Variants in CHD7 observed in about 807,000 individuals in gnomAD.
CHD7 encodes the protein ATP-dependent chromatin remodeler CHD7.
CHD7 carries 24 observed loss-of-function variants against 307.3 expected under a neutral mutation model. The ratio of observed to expected loss-of-function variants is 0.08; its 90% CI spans 0.06 to 0.11. The LOEUF (loss-of-function observed/expected upper bound fraction) is 0.11. Among genes scored for constraint, CHD7 ranks in the 10% least tolerant of loss-of-function variants. CHD7 has a pLI of 1.00. For synonymous variants in CHD7, 1,363 were observed against 1,349.9 expected (o/e 1.01, Z -0.21); for missense variants, 3,106 against 3,727.1 (o/e 0.83, Z 4.34).
At position 60,740,550 on chromosome 8, in the gene CHD7, C is replaced by T. The variant is rs566034467; in HGVS notation, c.-174-709C>T. Among the ~76,000 whole-genome samples, 316 of 152,262 alleles carry T rather than the reference C, an allele frequency of 2.1e-3. 1 individual carries two copies. The highest frequency in any genetic ancestry group is 0.01 in the Middle Eastern group (3 of 294). The stretch of plus-strand genomic sequence containing the variant: ...GTCGTCTTGGACAATGAAAGCTTTT[C>T]TTTTAGTTTCTTTCTGAATCTTGTA... On this transcript the variant is annotated intron_variant, in intron 1 of 37. Transcript: ENST00000423902.
chr8:60,745,226 T>A (rs1169930270), intron 2 of CHD7, among the ~76,000 whole-genome samples: 4 of 152,210 alleles, frequency 2.6e-5, no homozygotes, highest in African/African-American at 9.6e-5. Flanking sequence ...AGTTTCTTAC[T>A]AAGCAAGGGA....
intron 36 of CHD7, 43 bp downstream of exon 36, chr8:60,862,379 G>C (rs1359882424): frequency 6.4e-7 from 1 of 1,568,132 alleles, no homozygotes; most frequent in African/African-American, 1.4e-5. Flanking sequence ...CGATTTCTTA[G>C]CCCAGAAGGA....
At chr8:60,759,994 C>CT (rs1810099185) in intron 2 of CHD7, among the ~76,000 whole-genome samples, 1 of 152,130 alleles carries the variant, frequency 6.6e-6, no homozygotes, top group Non-Finnish European at 1.5e-5. Flanking sequence ...GTGGCTCCCA[C>CT]TGAGTGGTAA....
In CHD7 at chr8:60,771,668, A is replaced by G. The variant is rs1192074206; in HGVS notation, c.1666-9332A>G. 4.9e-4 allele frequency among the ~76,000 whole-genome samples: 15 copies of G among 30,502 alleles called. No individual in the cohort carries two copies. In the Admixed American group the frequency reaches 5.2e-3, roughly 10 times the overall value. 20.0% of individuals were successfully genotyped at this position (30,502 alleles called of 152,430 possible). ...TCATTAGGACTGTGTTCTCATCTTG[A>G]CTGGGGAGTCTTGACTGGGGAGGAA... On this transcript the variant is annotated intron_variant, in intron 2 of 37. Coordinates refer to ENST00000423902, the MANE Select transcript of CHD7 (RefSeq NM_017780.4).
intron 1 of CHD7, among the ~76,000 whole-genome samples, chr8:60,714,203 C>T (rs981280675): frequency 6.6e-6 from 1 of 151,950 alleles, no homozygotes; most frequent in Non-Finnish European, 1.5e-5. Flanking sequence ...ATCCCCTGGG[C>T]CAGACGCAGG....
At chr8:60,857,822 C>T (rs944630933) in intron 34 of CHD7, among the ~76,000 whole-genome samples, 1 of 152,216 alleles carries the variant, frequency 6.6e-6, no homozygotes, top group Non-Finnish European at 1.5e-5. Context: ...ATTTCTTGAA[C>T]TCAGAGAAAG....
chr8:60,721,741 C>T (rs1807917266), intron 1 of CHD7, among the ~76,000 whole-genome samples: 2 of 152,192 alleles, frequency 1.3e-5, no homozygotes, highest in South Asian at 4.1e-4. Flanking sequence ...CGGAGAACCA[C>T]TGGTTTAGAT....
intron 1 of CHD7, among the ~76,000 whole-genome samples, chr8:60,691,709 C>A (rs1054813122): frequency 1.3e-5 from 2 of 152,172 alleles, no homozygotes; most frequent in African/African-American, 4.8e-5. Flanking sequence ...AGTTGTTTTG[C>A]GGAAATAATG....
At chr8:60,782,456 G>A (rs1811296715) in intron 3 of CHD7, among the ~76,000 whole-genome samples, 1 of 152,218 alleles carries the variant, frequency 6.6e-6, no homozygotes, top group Non-Finnish European at 1.5e-5. Context: ...ACTTGGACTT[G>A]CAACTTCCTG....
intron 2 of CHD7, among the ~76,000 whole-genome samples, chr8:60,773,014 G>A (rs1385268148): frequency 6.6e-6 from 1 of 152,190 alleles, no homozygotes; most frequent in African/African-American, 2.4e-5. Context: ...CTCTTGTTCT[G>A]TCATTTCCAT....
At chr8:60,805,799 T>A (rs1438007839) in intron 6 of CHD7, among the ~76,000 whole-genome samples, 2 of 152,158 alleles carry the variant, frequency 1.3e-5, no homozygotes, top group Admixed American at 1.3e-4. Flanking sequence ...TAAATCTTGT[T>A]TATGATTTAT....
chr8:60,858,252 T>C (rs1327914761), intron 34 of CHD7, among the ~76,000 whole-genome samples: 2 of 152,192 alleles, frequency 1.3e-5, no homozygotes, highest in African/African-American at 4.8e-5. Context: ...TGAGACTCTG[T>C]CTCAAAAAAA....
intron 4 of CHD7, among the ~76,000 whole-genome samples, chr8:60,797,149 T>A (rs907940499): frequency 1.3e-5 from 2 of 152,190 alleles, no homozygotes; most frequent in Non-Finnish European, 2.9e-5. Flanking sequence ...CAGATCACAA[T>A]AGAAACATGT....
chr8:60,695,373 T>A (rs1806417364), intron 1 of CHD7, among the ~76,000 whole-genome samples: 1 of 152,236 alleles, frequency 6.6e-6, no homozygotes, highest in Admixed American at 6.5e-5. Context: ...AATATCCTTA[T>A]AACATTGGGT....
At chr8:60,772,562 G>A (rs535151262) in intron 2 of CHD7, among the ~76,000 whole-genome samples, 1 of 152,230 alleles carries the variant, frequency 6.6e-6, no homozygotes, top group Non-Finnish European at 1.5e-5. Flanking sequence ...CTTCAGGTGT[G>A]GGTGTCCACT....
At chr8:60,816,113 G>GTCTGTCTCTCTCTCTCTCTC (rs58405811) in intron 7 of CHD7, among the ~76,000 whole-genome samples, 8 of 139,236 alleles carry the variant, frequency 5.7e-5, no homozygotes, top group African/African-American at 2.3e-4. Context: ...CTGTCTGTCT[G>GTCTGTCTCTCTCTCTCTCTC]TCTCTCTCTC....
At chr8:60,741,178 CA>C (rs1383858077) in intron 1 of CHD7, 80 bp from the exon 2 acceptor site, 1 of 499,356 alleles carries the variant, frequency 2.0e-6, no homozygotes, top group Non-Finnish European at 3.5e-6. Flanking sequence ...TTCAGATGTA[CA>C]AAATACTGGC....
rs1804456004 is a variant in CHD7 at position 60,830,465 on chromosome 8, T to C, written c.3666T>C (p.Leu1222=). Residue 1222 remains leucine (L), a synonymous_variant, in exon 15 of 38, where the codon CTT becomes CTC. Coordinates refer to ENST00000423902, the MANE Select transcript of CHD7 (RefSeq NM_017780.4). ...AGAAGAAATATTACCGAGCCATCCT[T>C]GAGAAGAATTTCACATTTCTTTCCA... ...NIQKKYYRAI[L]EKNFTFLSKG... is the part of the protein sequence containing the mutation. 1 of 1,613,908 alleles carries C rather than the reference T, an allele frequency of 6.2e-7. No homozygotes were observed. Among genetic ancestry groups the C allele is most frequent in the Admixed American group, 1.7e-5 (1 of 60,004 alleles).
At chr8:60,751,576 G>A (rs1364983386) in intron 2 of CHD7, among the ~76,000 whole-genome samples, 1 of 152,194 alleles carries the variant, frequency 6.6e-6, no homozygotes, top group African/African-American at 2.4e-5. Context: ...GATGGCCCTG[G>A]TATTTCCTTT....
Sources: gnomAD v4.1 joint callset for allele counts (sites outside exome capture counted in the v4.1 genomes callset) on GRCh38, gnomAD v4.1.1 for gene constraint, MANE v1.5 for transcripts, NCBI Gene and HGNC (gene_info 2026-07-23, HGNC 2026-07-21) for gene names.